ADAMTSL1: variants seen among roughly 807,000 people sequenced by gnomAD.
The protein encoded by ADAMTSL1 is ADAMTS-like protein 1.
A neutral mutation model predicts 201.8 loss-of-function variants in ADAMTSL1; 126 were observed. That is an observed-to-expected ratio of 0.62 (90% CI 0.54 to 0.72). ADAMTSL1 has a LOEUF of 0.72. Among genes scored for constraint, ADAMTSL1 ranks in the 30% least tolerant of loss-of-function variants. ADAMTSL1 has a pLI of 0.00. For missense variants in ADAMTSL1, 2,679 were observed against 2,277.8 expected (o/e 1.18, Z -3.59); for synonymous variants, 1,121 against 903.4 (o/e 1.24, Z -4.32).
At chr9:18,655,380 T>C (rs1381286927) in intron 7 of ADAMTSL1, among the ~76,000 whole-genome samples, 2 of 152,202 alleles carry the variant, frequency 1.3e-5, no homozygotes, top group African/African-American at 4.8e-5. Context: ...CACTGAAACA[T>C]TGTGATTATA....
At chr9:17,917,317 C>G (rs1286660499) in intron 1 of ADAMTSL1, among the ~76,000 whole-genome samples, 1 of 151,982 alleles carries the variant, frequency 6.6e-6, no homozygotes, top group Non-Finnish European at 1.5e-5. Context: ...AACAGATATC[C>G]TTGTCTTGTT....
At chr9:18,030,339 T>C (rs1206602342) in intron 1 of ADAMTSL1, among the ~76,000 whole-genome samples, 1 of 151,912 alleles carries the variant, frequency 6.6e-6, no homozygotes, top group South Asian at 2.1e-4. Context: ...TAGGTGGGAA[T>C]TGAACAATGA....
In ADAMTSL1 at chr9:18,906,674, G is replaced by A. The variant is rs1288909679; in HGVS notation, c.4962-18G>A. The A allele has an allele frequency of 3.9e-6, 6 of 1,549,122 alleles. No individual in the cohort carries two copies. Among genetic ancestry groups the A allele is most frequent in the Non-Finnish European group, 5.2e-6 (6 of 1,145,474 alleles). On this transcript the variant is annotated intron_variant, in intron 27 of 28. Transcript: ENST00000380548. ...CCCCACAGAAGCAAACCTTAACCCT[G>A]CCACCATCCTCCTGCAGGCCTGTGA...
intron 7 of ADAMTSL1, chr9:18,651,093 T>G (rs1385681241): frequency 6.6e-6 from 1 of 152,232 alleles, no homozygotes; most frequent in African/African-American, 2.4e-5. Flanking sequence ...GGCTGCCGCA[T>G]TTACCAGTGG....
intron 15 of ADAMTSL1, among the ~76,000 whole-genome samples, chr9:18,744,887 G>A (rs1819045994): frequency 6.6e-6 from 1 of 152,162 alleles, no homozygotes; most frequent in Admixed American, 6.5e-5. Context: ...CTCTCCATGT[G>A]TGTTTGCTTG....
intron 2 of ADAMTSL1, among the ~76,000 whole-genome samples, chr9:18,456,099 C>A (rs1033569485): frequency 3.9e-5 from 6 of 152,150 alleles, no homozygotes; most frequent in African/African-American, 1.4e-4. Context: ...GATAAATAAT[C>A]CCAGCTAAGT....
chr9:18,479,270 C>T (rs370034413), intron 1 of ADAMTSL1, among the ~76,000 whole-genome samples: 61 of 152,346 alleles, frequency 4.0e-4, no homozygotes, highest in Middle Eastern at 3.4e-3. Context: ...TTTCTGGCCA[C>T]GTCAAGAAGA....
chr9:18,189,775 T>G (rs929769178), intron 2 of ADAMTSL1, among the ~76,000 whole-genome samples: 4 of 152,164 alleles, frequency 2.6e-5, no homozygotes, highest in African/African-American at 9.7e-5. Context: ...ATATGTTTTT[T>G]TAAAAAAAAC....
chr9:18,757,057 CAG>C (rs937964275), intron 16 of ADAMTSL1, among the ~76,000 whole-genome samples: 3 of 152,080 alleles, frequency 2.0e-5, no homozygotes, highest in African/African-American at 7.2e-5. Context: ...AGAAATGAAA[CAG>C]AAATCTAATT....
intron 2 of ADAMTSL1, among the ~76,000 whole-genome samples, chr9:18,279,616 T>C (rs1215643626): frequency 6.6e-6 from 1 of 151,778 alleles, no homozygotes; most frequent in Non-Finnish European, 1.5e-5. Flanking sequence ...AATAAGTCAC[T>C]AGTAACTGGA....
intron 1 of ADAMTSL1, among the ~76,000 whole-genome samples, chr9:18,055,375 C>T (rs1317696850): frequency 6.6e-6 from 1 of 152,170 alleles, no homozygotes; most frequent in Non-Finnish European, 1.5e-5. Context: ...GTAAATGCTG[C>T]CACACCCCCA....
intron 21 of ADAMTSL1, among the ~76,000 whole-genome samples, chr9:18,820,834 G>A (rs974337708): frequency 6.6e-6 from 1 of 152,180 alleles, no homozygotes; most frequent in Non-Finnish European, 1.5e-5. Context: ...CTCTGAAGAG[G>A]TCAGAAAACT....
intron 2 of ADAMTSL1, among the ~76,000 whole-genome samples, chr9:18,243,097 A>G (rs1428421403): frequency 6.6e-6 from 1 of 152,184 alleles, no homozygotes; most frequent in Non-Finnish European, 1.5e-5. Flanking sequence ...ACAAAGCTGT[A>G]GTAATCAAAA....
At chr9:17,926,042 A>G (rs952271537) in intron 1 of ADAMTSL1, among the ~76,000 whole-genome samples, 2 of 151,994 alleles carry the variant, frequency 1.3e-5, no homozygotes, top group African/African-American at 4.8e-5. Context: ...TCTACCACAA[A>G]CCAGCCAAAC....
At chr9:18,659,651 C>T (rs1828938543) in intron 8 of ADAMTSL1, among the ~76,000 whole-genome samples, 1 of 152,156 alleles carries the variant, frequency 6.6e-6, no homozygotes, top group Non-Finnish European at 1.5e-5. Context: ...CCTGTAATCC[C>T]AGCTACTTGG....
At chr9:18,548,135 T>C (rs1015542096) in intron 3 of ADAMTSL1, among the ~76,000 whole-genome samples, 2 of 152,032 alleles carry the variant, frequency 1.3e-5, no homozygotes, top group African/African-American at 4.8e-5. Context: ...TAAAATTTGC[T>C]TGTAACCCCC....
At chr9:18,125,573 C>G (rs1057492088) in intron 1 of ADAMTSL1, among the ~76,000 whole-genome samples, 7 of 152,082 alleles carry the variant, frequency 4.6e-5, no homozygotes. Context: ...TAATTTAGAT[C>G]TGTGATCCAT....
At chr9:18,369,400 G>C (rs1283662529) in intron 2 of ADAMTSL1, among the ~76,000 whole-genome samples, 1 of 152,174 alleles carries the variant, frequency 6.6e-6, no homozygotes, top group African/African-American at 2.4e-5. Context: ...CTAATCATCA[G>C]AGAAATGCAA....
At chr9:18,889,081 C>G (rs1307337399) in intron 24 of ADAMTSL1, among the ~76,000 whole-genome samples, 1 of 152,176 alleles carries the variant, frequency 6.6e-6, no homozygotes, top group Non-Finnish European at 1.5e-5. Flanking sequence ...TAAATAAGCA[C>G]TCTCTGCATA....
Sources: gnomAD v4.1 joint callset for allele counts (sites outside exome capture counted in the v4.1 genomes callset) on GRCh38, gnomAD v4.1.1 for gene constraint, MANE v1.5 for transcripts, NCBI Gene and HGNC (gene_info 2026-07-23, HGNC 2026-07-21) for gene names.